The following TMEM53 variants were observed in gnomAD, a reference collection of about 807,000 sequenced individuals.
The protein encoded by TMEM53 is novel DUF829 domain-containing protein.
In TMEM53, 14 loss-of-function variants were observed where a neutral mutation model predicts 21.4. That is an observed-to-expected ratio of 0.65 (90% CI 0.43 to 1.02). The LOEUF (loss-of-function observed/expected upper bound fraction) is 1.02, where lower values mean the gene tolerates loss of function less well. TMEM53 is among the 50% of genes least tolerant of loss of function. The pLI, the probability that TMEM53 is intolerant of heterozygous loss-of-function variation, is 0.00. For synonymous variants in TMEM53, 148 were observed against 157.4 expected (o/e 0.94, Z 0.45); for missense variants, 323 against 383.6 (o/e 0.84, Z 1.32).
chr1:44,671,538 G>A (rs532210489), intron 1 of TMEM53, among the ~76,000 whole-genome samples: 1 of 152,312 alleles, frequency 6.6e-6, no homozygotes, highest in East Asian at 1.9e-4. Flanking sequence ...GCGATAGGAG[G>A]ACTGCTTGAG....
chr1:44,673,382 G>C (rs1645032258), intron 1 of TMEM53, among the ~76,000 whole-genome samples: 1 of 152,188 alleles, frequency 6.6e-6, no homozygotes, highest in African/African-American at 2.4e-5. Context: ...TAAGAGGCTG[G>C]GCTGCAGGCA....
chr1:44,665,657 A>C (rs1017787010), intron 1 of TMEM53, among the ~76,000 whole-genome samples: 1 of 151,980 alleles, frequency 6.6e-6, no homozygotes, highest in Non-Finnish European at 1.5e-5. Context: ...AAAAACATGC[A>C]ATCTTTGACT....
At chr1:44,669,797 AT>A (rs35923018) in intron 1 of TMEM53, among the ~76,000 whole-genome samples, 71,954 of 135,030 alleles carry the variant, frequency 0.53, 18,763 homozygotes, top group Middle Eastern at 0.63. Flanking sequence ...AAAGCATCCT[AT>A]TTTTTTTTTT....
intron 1 of TMEM53, among the ~76,000 whole-genome samples, chr1:44,664,865 C>T (rs566559011): frequency 7.9e-5 from 12 of 152,254 alleles, no homozygotes; most frequent in Admixed American, 7.8e-4. Context: ...GTCCCTTTCC[C>T]CCAAGAACAC....
intron 2 of TMEM53, among the ~76,000 whole-genome samples, chr1:44,659,662 T>C (rs959778148): frequency 2.6e-5 from 4 of 152,078 alleles, no homozygotes; most frequent in Non-Finnish European, 2.9e-5. Context: ...ACTGGCCAGT[T>C]AATAGGGACT....
chr1:44,659,301 C>T (rs956321435), intron 2 of TMEM53, among the ~76,000 whole-genome samples: 3 of 152,148 alleles, frequency 2.0e-5, no homozygotes, highest in Non-Finnish European at 4.4e-5. Flanking sequence ...CCAAGGCTTC[C>T]AGCTGGCAGT....
intron 1 of TMEM53, among the ~76,000 whole-genome samples, chr1:44,666,501 G>A (rs1016558542): frequency 4.6e-5 from 7 of 152,174 alleles, no homozygotes; most frequent in African/African-American, 1.7e-4. Context: ...TAAGCAAAAT[G>A]TGATACATCC....
Position 44,660,219 on chromosome 1 carries a change from G to C in TMEM53, c.138C>G (p.Cys46Trp). The C allele has an allele frequency of 6.2e-7, 1 of 1,614,090 alleles. No homozygotes were observed. ...TGTACTTGGCAAGGTTCTTGTCCTT[G>C]CAGCCACCCCAGCCCAAGAGAATCA... is the stretch of plus-strand genomic sequence containing the variant. The part of the protein sequence containing the change: ...PVVILLGWGG[C>W]KDKNLAKYSA... The change falls in exon 2 of 3, where the codon TGC (cysteine) becomes TGG (tryptophan). Residue 46 changes from cysteine (C) to tryptophan (W), a missense_variant. Around this residue, in one of 3 missense-constraint regions of TMEM53, gnomAD observed 269 missense variants for 334.5 expected, o/e 0.80. Coordinates refer to ENST00000372237, the MANE Select transcript of TMEM53 (RefSeq NM_024587.4).
At position 44,674,365 on chromosome 1, in the gene TMEM53, G is replaced by A; in HGVS notation, c.27C>T (p.Thr9=). 6.2e-7 allele frequency: 1 copy of A among 1,612,958 alleles called. No homozygotes were observed. ...AGCAGGGCTGATCCGGGATCTCGATGGTGTAGTCCAGCTCTGCCGAGGCCA... is the reference window on the plus strand; with the variant it reads ...AGCAGGGCTGATCCGGGATCTCGATAGTGTAGTCCAGCTCTGCCGAGGCCA... MASAELDY[T]IEIPDQPCWS... The change falls in exon 1 of 3, where the codon ACC becomes ACT. Residue 9 remains threonine (T), a synonymous_variant. Transcript: ENST00000372237.
intron 2 of TMEM53, among the ~76,000 whole-genome samples, chr1:44,656,771 T>C (rs544967121): frequency 2.6e-5 from 4 of 152,090 alleles, no homozygotes; most frequent in Non-Finnish European, 5.9e-5. Context: ...CCCAACACTT[T>C]GGGAGGCTGA....
At chr1:44,656,662 T>C (rs536953235) in intron 2 of TMEM53, among the ~76,000 whole-genome samples, 59 of 151,554 alleles carry the variant, frequency 3.9e-4, no homozygotes, top group Admixed American at 9.8e-4. Flanking sequence ...GCCAGTAACA[T>C]GAAAAAAGGG....
intron 1 of TMEM53, among the ~76,000 whole-genome samples, chr1:44,665,697 G>A (rs552951295): frequency 1.3e-5 from 2 of 149,404 alleles, no homozygotes; most frequent in South Asian, 2.1e-4. Flanking sequence ...AAAGAAAAAC[G>A]TTAAATCATG....
Position 44,654,766 on chromosome 1 carries a change from G to C in TMEM53, c.627C>G (p.Arg209=), listed in dbSNP as rs763497303. The change falls in exon 3 of 3, where the codon CGC becomes CGG. Residue 209 remains arginine (R), a synonymous_variant. Transcript: ENST00000372237. The surrounding 1 kb of genome is among the most constrained non-coding windows in gnomAD (Gnocchi z 7.0). ...TCGAGTAGAGGTAGAGCTCGGGCCA[G>C]CGAGAGCCCGCGTCCTGTAGCCTGT... ...FYDRLQDAGS[R]WPELYLYSRA... 3.7e-6 allele frequency: 6 copies of C among 1,614,044 alleles called. No individual in the cohort carries two copies. Among genetic ancestry groups the C allele is most frequent in the Admixed American group, 3.3e-5 (2 of 60,026 alleles).
chr1:44,660,581 C>T (rs934726726), intron 1 of TMEM53, among the ~76,000 whole-genome samples: 3 of 152,218 alleles, frequency 2.0e-5, no homozygotes, highest in African/African-American at 7.2e-5. Context: ...CACGCCCTTT[C>T]CTCTTCTGAT....
At position 44,655,675 on chromosome 1, in the gene TMEM53, A is replaced by AC; in HGVS notation, c.184-467dup. 6.6e-6 allele frequency among the ~76,000 whole-genome samples: 1 copy of AC among 151,796 alleles called. No homozygotes were observed. Among genetic ancestry groups the AC allele is most frequent in the African/African-American group, 2.4e-5 (1 of 41,350 alleles). ...TCCCTACCTCCCAGACAGAAGTAGT[A>AC]CCCCCATGAGACCAGTACCCGAGAG... On this transcript the variant is annotated intron_variant, in intron 2 of 2. Transcript: ENST00000372237. The surrounding 1 kb of genome is among the most constrained non-coding windows in gnomAD (Gnocchi z 4.4).
In TMEM53 at chr1:44,654,776, G is replaced by A. The variant is rs767575887; in HGVS notation, c.617C>T (p.Ala206Val). 11 of 1,613,862 alleles carry A rather than the reference G, an allele frequency of 6.8e-6. No homozygotes were observed. Among genetic ancestry groups the A allele is most frequent in the East Asian group, 4.5e-5 (2 of 44,872 alleles). ...GTAGAGCTCGGGCCAGCGAGAGCCC[G>A]CGTCCTGTAGCCTGTCATAGAAGTG... ...HTHFYDRLQD[A>V]GSRWPELYLY... Residue 206 changes from alanine to valine, a missense_variant, in exon 3 of 3, where the codon GCG (alanine) becomes GTG (valine). Coordinates refer to ENST00000372237, the MANE Select transcript of TMEM53 (RefSeq NM_024587.4). The surrounding 1 kb of genome is among the most constrained non-coding windows in gnomAD (Gnocchi z 7.0).
intron 1 of TMEM53, among the ~76,000 whole-genome samples, chr1:44,669,091 A>G (rs1644976466): frequency 6.6e-6 from 1 of 152,242 alleles, no homozygotes; most frequent in Non-Finnish European, 1.5e-5. Flanking sequence ...TGGCAGAAGG[A>G]AAGAGTTCAA....
intron 1 of TMEM53, 46 bp from the exon 2 acceptor site, chr1:44,660,341 C>A (rs370798497): frequency 4.6e-6 from 7 of 1,528,540 alleles, no homozygotes; most frequent in Non-Finnish European, 5.3e-6. Context: ...GGGGTGGGGG[C>A]GGGGGTGACT....
intron 2 of TMEM53, among the ~76,000 whole-genome samples, chr1:44,659,853 G>C (rs2148531279): frequency 6.8e-6 from 1 of 147,636 alleles, no homozygotes; most frequent in African/African-American, 2.5e-5. Context: ...CTTCCTCACA[G>C]GCTTTTTTTT....
Sources: gnomAD v4.1 joint callset for allele counts (sites outside exome capture counted in the v4.1 genomes callset) on GRCh38, gnomAD v4.1.1 for gene constraint, gnomAD v4.1.1 regional missense constraint, Gnocchi (gnomAD v3.1) non-coding constraint, MANE v1.5 for transcripts, NCBI Gene and HGNC (gene_info 2026-07-23, HGNC 2026-07-21) for gene names.